FHOD3: variants seen among roughly 807,000 people sequenced by gnomAD.
The protein encoded by FHOD3 is FH1/FH2 domain-containing protein 3.
FHOD3 carries 90 observed loss-of-function variants against 173.0 expected under a neutral mutation model. The observed-to-expected ratio is 0.52, with a 90% CI of 0.44 to 0.62. The LOEUF is 0.62. Among genes scored for constraint, FHOD3 ranks in the 20% least tolerant of loss-of-function variants. FHOD3 has a pLI of 0.00. For synonymous variants in FHOD3, 828 were observed against 823.0 expected, an observed-to-expected ratio of 1.01 and a Z score of -0.10; for missense variants, 1,945 against 2,034.7, an observed-to-expected ratio of 0.96 and a Z score of 0.85.
In FHOD3 at chr18:36,611,950, A is replaced by G; in HGVS notation, c.814-2A>G. On this transcript the variant is annotated splice_acceptor_variant, in intron 8 of 28. Transcript: ENST00000590592. LOFTEE classifies it high-confidence loss of function. ...CTGTAGCTGGTTCTTCTCTTCTTCC[A>G]GACGTTATCAGGACTACCAGACCAA... is the stretch of plus-strand genomic sequence containing the variant. 1 of 1,613,060 alleles carries G rather than the reference A, an allele frequency of 6.2e-7. No homozygotes were observed. The highest frequency in any genetic ancestry group is 8.5e-7 in the Non-Finnish European group (1 of 1,179,588).
chr18:36,723,439 C>T (rs2040892152), intron 19 of FHOD3, among the ~76,000 whole-genome samples: 1 of 152,124 alleles, frequency 6.6e-6, no homozygotes, highest in African/African-American at 2.4e-5. Flanking sequence ...CCCCGTCTCC[C>T]TTGTTTCAAG....
chr18:36,620,686 G>A (rs2148731389), intron 9 of FHOD3, among the ~76,000 whole-genome samples: 1 of 152,344 alleles, frequency 6.6e-6, no homozygotes, highest in African/African-American at 2.4e-5. Flanking sequence ...GTTGAATGAA[G>A]GAAGGATGCT....
At chr18:36,364,734 G>A (rs867155122) in intron 2 of FHOD3, among the ~76,000 whole-genome samples, 23 of 152,314 alleles carry the variant, frequency 1.5e-4, no homozygotes, top group Middle Eastern at 3.4e-3. Context: ...GGCAGAAAGG[G>A]AAATGGGTAT....
chr18:36,626,295 G>A (rs1381330325), intron 10 of FHOD3, among the ~76,000 whole-genome samples: 1 of 152,156 alleles, frequency 6.6e-6, no homozygotes, highest in African/African-American at 2.4e-5. Context: ...AGGACTACTT[G>A]AAGCCATGAA....
rs570307692 is a variant in FHOD3, at chr18:36,689,043, C to T, written c.2021+1865C>T. Among the ~76,000 whole-genome samples the T allele has an allele frequency of 9.2e-5, 14 of 152,282 alleles. No homozygotes were observed. In the East Asian group the frequency reaches 1.7e-3, roughly 19 times the overall value. On this transcript the variant is annotated intron_variant, in intron 16 of 28. Transcript: ENST00000590592. ...CCTTGAAGCCACCTCTCTGTTTACA[C>T]GGAGGTCTAGGGAAGCAGGCACGCA...
intron 14 of FHOD3, among the ~76,000 whole-genome samples, chr18:36,677,828 G>T (rs923118211): frequency 6.6e-6 from 1 of 152,162 alleles, no homozygotes; most frequent in African/African-American, 2.4e-5. Flanking sequence ...TGGAAAAAAA[G>T]AATTGGCATC....
rs542232791 is a variant in FHOD3 at position 36,742,169 on chromosome 18, G to A, written c.3760-568G>A. The stretch of plus-strand genomic sequence containing the variant: ...GCCACAGAATAACAGCAGTGAGGGT[G>A]GGGGAGATGGAGGCCATGAGGCTAC... On this transcript the variant is annotated intron_variant, in intron 21 of 28. Transcript: ENST00000590592. Among the ~76,000 whole-genome samples the A allele has an allele frequency of 3.3e-5, 5 of 152,228 alleles. No individual in the cohort carries two copies. The South Asian group carries it at 1.0e-3, about 32-fold the overall frequency.
At chr18:36,571,532 T>C (rs550878759) in intron 5 of FHOD3, among the ~76,000 whole-genome samples, 3 of 152,340 alleles carry the variant, frequency 2.0e-5, no homozygotes, top group Admixed American at 2.0e-4. Flanking sequence ...CCAGAATTTG[T>C]ATTAAAAGGC....
chr18:36,695,403 G>A (rs2149520217), intron 17 of FHOD3, among the ~76,000 whole-genome samples: 1 of 151,954 alleles, frequency 6.6e-6, no homozygotes, highest in Non-Finnish European at 1.5e-5. Flanking sequence ...CTTCAGAGAA[G>A]GGATTAATAG....
chr18:36,651,550 C>T lies in FHOD3; in HGVS notation c.1287-1020C>T, dbSNP rs375513090. ...GGTGGATCACTTAAGGTCAGGAGTT[C>T]GAGTCCAGCTTGACCAACATGGTGA... On this transcript the variant is annotated intron_variant, in intron 11 of 28. Transcript: ENST00000590592. 5.3e-5 allele frequency among the ~76,000 whole-genome samples: 8 copies of T among 152,160 alleles called. No homozygotes were observed. In the South Asian group the frequency reaches 6.2e-4, roughly 12 times the overall value.
chr18:36,521,542 G>T (rs2056274785), intron 5 of FHOD3, among the ~76,000 whole-genome samples: 1 of 152,046 alleles, frequency 6.6e-6, no homozygotes, highest in South Asian at 2.1e-4. Context: ...CCAAATTAGG[G>T]CTTCTCTAAA....
chr18:36,337,564 T>C (rs1214099073), intron 1 of FHOD3, among the ~76,000 whole-genome samples: 2 of 152,220 alleles, frequency 1.3e-5, no homozygotes, highest in Non-Finnish European at 2.9e-5. Context: ...TTCAGCATCC[T>C]GGAGCTCCAG....
intron 3 of FHOD3, among the ~76,000 whole-genome samples, chr18:36,479,712 AT>A (rs936442381): frequency 9.8e-5 from 15 of 152,326 alleles, no homozygotes; most frequent in Admixed American, 4.6e-4. Context: ...TATATTAGAT[AT>A]ATTTCTTTGT....
intron 8 of FHOD3, among the ~76,000 whole-genome samples, chr18:36,607,454 T>A (rs2032204106): frequency 6.6e-6 from 1 of 152,116 alleles, no homozygotes; most frequent in Admixed American, 6.5e-5. Context: ...GCTTAGAAGG[T>A]CTTTGAAATG....
At chr18:36,461,180 C>T (rs1190566811) in intron 3 of FHOD3, among the ~76,000 whole-genome samples, 2 of 152,138 alleles carry the variant, frequency 1.3e-5, no homozygotes, top group East Asian at 1.9e-4. Flanking sequence ...CCAGCCTGCT[C>T]ACTCCTCTTC....
At chr18:36,422,040 A>G (rs1287323166) in intron 3 of FHOD3, among the ~76,000 whole-genome samples, 3 of 152,246 alleles carry the variant, frequency 2.0e-5, no homozygotes, top group Non-Finnish European at 2.9e-5. Flanking sequence ...TGGCACATTC[A>G]CATGGTTGCA....
intron 2 of FHOD3, among the ~76,000 whole-genome samples, chr18:36,369,337 C>T (rs1430548834): frequency 6.6e-6 from 1 of 152,002 alleles, no homozygotes; most frequent in Non-Finnish European, 1.5e-5. Context: ...GTGAAACTTT[C>T]TCCAATATGT....
chr18:36,723,575 G>A (rs1042589083), intron 19 of FHOD3, among the ~76,000 whole-genome samples: 1 of 152,136 alleles, frequency 6.6e-6, no homozygotes, highest in Non-Finnish European at 1.5e-5. Context: ...GGCAGGGAGC[G>A]AGGAGGGATG....
intron 2 of FHOD3, among the ~76,000 whole-genome samples, chr18:36,364,145 A>G (rs1027863900): frequency 2.6e-5 from 4 of 152,200 alleles, no homozygotes; most frequent in African/African-American, 9.6e-5. Flanking sequence ...ATATCAAGAC[A>G]GGGAGGCATG....
Sources: allele counts gnomAD v4.1 joint callset (sites outside exome capture counted in the v4.1 genomes callset), GRCh38; gene constraint gnomAD v4.1.1; transcripts MANE v1.5; gene names NCBI Gene and HGNC (gene_info 2026-07-23, HGNC 2026-07-21).